The following PHACTR1 variants were observed in gnomAD, a reference collection of about 807,000 sequenced individuals.
PHACTR1 encodes phosphatase and actin regulator 1, also known as RPEL repeat containing 1.
Under a neutral mutation model 69.2 loss-of-function variants are expected in PHACTR1, and 16 were observed. That is an observed-to-expected ratio of 0.23 (90% CI 0.16 to 0.35). PHACTR1 has a LOEUF of 0.35. Ranked by LOEUF, PHACTR1 falls within the 10% of genes least tolerant of loss-of-function variation. PHACTR1 has a pLI of 1.00. For synonymous variants in PHACTR1, 312 were observed against 284.5 expected (o/e 1.10, Z -0.97); for missense variants, 510 against 734.7 (o/e 0.69, Z 3.54).
Position 13,238,921 on chromosome 6 carries a change from A to G in PHACTR1, c.1391+8728A>G, listed in dbSNP as rs114121039. On this transcript the variant is annotated intron_variant, in intron 10 of 14. Transcript: ENST00000332995. The stretch of plus-strand genomic sequence containing the variant: ...CACTGTGAATTACCACTCCAAAGAA[A>G]AAAGGAAGGAAAATAGACTGGAGTG... Among the ~76,000 whole-genome samples, 736 of 152,316 alleles carry G rather than the reference A, an allele frequency of 4.8e-3. 8 individuals are homozygous for G. The highest frequency in any genetic ancestry group is 0.017 in the African/African-American group (713 of 41,564).
chr6:12,987,266 C>T (rs1426174215), intron 4 of PHACTR1, among the ~76,000 whole-genome samples: 7 of 152,078 alleles, frequency 4.6e-5, no homozygotes, highest in Non-Finnish European at 8.8e-5. Context: ...ACTTAGAGAA[C>T]AGCTCAAAAG....
At chr6:12,717,146 G>A (rs1018744473) in intron 1 of PHACTR1, among the ~76,000 whole-genome samples, 4 of 152,100 alleles carry the variant, frequency 2.6e-5, no homozygotes, top group Non-Finnish European at 5.9e-5. Flanking sequence ...ACAGGGGAAT[G>A]TCTAACGTAT....
At chr6:12,875,269 G>A (rs1259893803) in intron 4 of PHACTR1, among the ~76,000 whole-genome samples, 1 of 152,200 alleles carries the variant, frequency 6.6e-6, no homozygotes, top group African/African-American at 2.4e-5. Context: ...TACTCATCGT[G>A]ACTCCACAGG....
At chr6:12,920,198 G>A (rs902750667) in intron 4 of PHACTR1, among the ~76,000 whole-genome samples, 2 of 152,216 alleles carry the variant, frequency 1.3e-5, no homozygotes, top group Non-Finnish European at 2.9e-5. Context: ...TGAACAAAGA[G>A]AGGAGAGATC....
chr6:13,133,295 GTCTCCC>G (rs1320522514), intron 5 of PHACTR1, among the ~76,000 whole-genome samples: 6 of 126,444 alleles, frequency 4.7e-5, no homozygotes, highest in East Asian at 2.8e-4. Context: ...TCTCCCCACA[GTCTCCC>G]TCTCCCTCTC....
intron 4 of PHACTR1, among the ~76,000 whole-genome samples, chr6:12,854,408 G>A (rs570892501): frequency 2.6e-5 from 4 of 152,164 alleles, no homozygotes; most frequent in Non-Finnish European, 4.4e-5. Flanking sequence ...TGTCTCAGAG[G>A]ATGTTTGTAC....
At chr6:12,939,596 C>T (rs1789847988) in intron 4 of PHACTR1, among the ~76,000 whole-genome samples, 1 of 152,194 alleles carries the variant, frequency 6.6e-6, no homozygotes, top group Non-Finnish European at 1.5e-5. Context: ...ATACAAGTAG[C>T]TGTATATTCA....
chr6:13,267,344 G>T (rs577109580), intron 10 of PHACTR1: 104 of 152,372 alleles, frequency 6.8e-4, no homozygotes, highest in African/African-American at 2.4e-3. Flanking sequence ...TAGAGCAAGA[G>T]TGATAACATA....
intron 4 of PHACTR1, among the ~76,000 whole-genome samples, chr6:12,854,308 C>T (rs190653390): frequency 5.3e-5 from 8 of 152,320 alleles, no homozygotes; most frequent in South Asian, 4.2e-4. Context: ...AAAGCTTTGT[C>T]ATGGAAATGT....
intron 7 of PHACTR1, among the ~76,000 whole-genome samples, chr6:13,182,929 G>C (rs1762378999): frequency 6.6e-6 from 1 of 152,122 alleles, no homozygotes; most frequent in East Asian, 1.9e-4. Context: ...CTTTAAAGAT[G>C]ATATGGCTTA....
chr6:12,785,355 A>G (rs144327467), intron 4 of PHACTR1, among the ~76,000 whole-genome samples: 135 of 152,320 alleles, frequency 8.9e-4, no homozygotes, highest in African/African-American at 3.1e-3. Context: ...GGAAGATAAT[A>G]AATGGAGGTA....
intron 4 of PHACTR1, among the ~76,000 whole-genome samples, chr6:12,927,139 C>A (rs1788356487): frequency 6.6e-6 from 1 of 152,214 alleles, no homozygotes; most frequent in Admixed American, 6.5e-5. Context: ...GTTTGCTGAA[C>A]AAGGACACCT....
chr6:13,022,796 C>T (rs965586040), intron 4 of PHACTR1, among the ~76,000 whole-genome samples: 3 of 152,098 alleles, frequency 2.0e-5, no homozygotes, highest in Admixed American at 6.5e-5. Context: ...ATGGGTGGAT[C>T]GCTTGAGCCC....
At chr6:13,034,234 A>T (rs111356464) in intron 4 of PHACTR1, among the ~76,000 whole-genome samples, 1 of 151,630 alleles carries the variant, frequency 6.6e-6, no homozygotes, top group African/African-American at 2.4e-5. Flanking sequence ...AGCCAGGATG[A>T]TCTCGATCTC....
At chr6:13,018,697 GA>G (rs1221745205) in intron 4 of PHACTR1, among the ~76,000 whole-genome samples, 1 of 152,100 alleles carries the variant, frequency 6.6e-6, no homozygotes, top group Non-Finnish European at 1.5e-5. Context: ...TCAGACTGAG[GA>G]CAGAGTGGTA....
chr6:13,126,505 G>A (rs1445330311), intron 5 of PHACTR1, among the ~76,000 whole-genome samples: 1 of 152,168 alleles, frequency 6.6e-6, no homozygotes, highest in Admixed American at 6.6e-5. Context: ...CTGAAGAATG[G>A]CCTTGAACAA....
intron 5 of PHACTR1, among the ~76,000 whole-genome samples, chr6:13,120,611 G>C (rs1313133955): frequency 1.3e-5 from 2 of 152,106 alleles, no homozygotes; most frequent in African/African-American, 2.4e-5. Context: ...TTGAGTGTGG[G>C]ACCTCCTTGC....
chr6:13,255,955 T>TG (rs535378488), intron 10 of PHACTR1, among the ~76,000 whole-genome samples: 32 of 151,932 alleles, frequency 2.1e-4, no homozygotes, highest in East Asian at 7.7e-4. Context: ...GGGGACTCTG[T>TG]GGGGGGGGCT....
At chr6:13,187,870 T>C (rs1049480764) in intron 7 of PHACTR1, among the ~76,000 whole-genome samples, 10 of 152,182 alleles carry the variant, frequency 6.6e-5, no homozygotes, top group Non-Finnish European at 5.9e-5. Context: ...CCAGTAGATA[T>C]GACATTGTAA....
Sources: allele counts gnomAD v4.1 joint callset (sites outside exome capture counted in the v4.1 genomes callset), GRCh38; gene constraint gnomAD v4.1.1; transcripts MANE v1.5; gene names NCBI Gene and HGNC (gene_info 2026-07-23, HGNC 2026-07-21).